Variants in FAM120A observed in about 807,000 individuals in gnomAD.
The protein encoded by FAM120A is family with sequence similarity 120 member A.
In FAM120A, 15 loss-of-function variants were observed where a neutral mutation model predicts 109.7. The ratio of observed to expected loss-of-function variants is 0.14; its 90% confidence interval spans 0.09 to 0.21. The LOEUF is 0.21. Ranked by LOEUF, FAM120A falls within the 10% of genes least tolerant of loss-of-function variation. The pLI is 1.00. For missense variants in FAM120A, 899 were observed against 1,439.3 expected, an observed-to-expected ratio of 0.62 and a Z score of 6.07; for synonymous variants, 493 against 572.8, an observed-to-expected ratio of 0.86 and a Z score of 1.99.
intron 17 of FAM120A, among the ~76,000 whole-genome samples, chr9:93,562,980 T>C (rs1862524633): frequency 6.6e-6 from 1 of 152,198 alleles, no homozygotes; most frequent in South Asian, 2.1e-4. Context: ...GCTATATTTT[T>C]ATGTTTTATA....
intron 5 of FAM120A, among the ~76,000 whole-genome samples, chr9:93,513,887 C>G (rs1196769400): frequency 6.6e-6 from 1 of 152,152 alleles, no homozygotes; most frequent in African/African-American, 2.4e-5. Flanking sequence ...TTTCAGAGAA[C>G]GAGAGTGAAG....
At chr9:93,527,915 G>A (rs1861158795) in intron 8 of FAM120A, among the ~76,000 whole-genome samples, 1 of 152,106 alleles carries the variant, frequency 6.6e-6, no homozygotes. Context: ...GAGCCACCAC[G>A]CCCTGTCTCC....
intron 11 of FAM120A, among the ~76,000 whole-genome samples, chr9:93,548,083 A>C (rs1861955418): frequency 6.6e-6 from 1 of 152,046 alleles, no homozygotes; most frequent in Non-Finnish European, 1.5e-5. Flanking sequence ...GTGTATCTGC[A>C]ATACAGTCTT....
At chr9:93,491,225 C>T (rs1859298564) in intron 3 of FAM120A, among the ~76,000 whole-genome samples, 1 of 152,192 alleles carries the variant, frequency 6.6e-6, no homozygotes, top group Non-Finnish European at 1.5e-5. Flanking sequence ...AGATTGCAGC[C>T]TCTTGGAGGT....
chr9:93,497,715 TGA>T, intron 4 of FAM120A, 116 bp downstream of exon 4: 1 of 1,265,338 alleles, frequency 7.9e-7, no homozygotes, highest in East Asian at 2.7e-5. Context: ...TGGATGGGTC[TGA>T]GAGCTCTTGC....
At chr9:93,461,949 T>G (rs1247901451) in intron 1 of FAM120A, among the ~76,000 whole-genome samples, 1 of 152,240 alleles carries the variant, frequency 6.6e-6, no homozygotes, top group Non-Finnish European at 1.5e-5. Context: ...CTAACCTGTA[T>G]TATTGAATAA....
At chr9:93,518,677 G>C (rs1176686250) in intron 7 of FAM120A, among the ~76,000 whole-genome samples, 1 of 152,218 alleles carries the variant, frequency 6.6e-6, no homozygotes, top group African/African-American at 2.4e-5. Context: ...CATGCCGAGA[G>C]TGAGGAGCGG....
intron 16 of FAM120A, 130 bp downstream of exon 16, chr9:93,561,380 TTTAA>T: frequency 1.2e-6 from 1 of 836,218 alleles, no homozygotes; most frequent in Non-Finnish European, 1.8e-6. Flanking sequence ...ATCATTTGTA[TTTAA>T]TTATTTAGTT....
At chr9:93,553,746 T>C (rs952820749) in intron 12 of FAM120A, among the ~76,000 whole-genome samples, 27 of 152,208 alleles carry the variant, frequency 1.8e-4, no homozygotes, top group African/African-American at 6.5e-4. Context: ...CCTTGAACCC[T>C]CTGTGACCCG....
intron 10 of FAM120A, among the ~76,000 whole-genome samples, chr9:93,542,827 A>G (rs1165090931): frequency 6.6e-6 from 1 of 152,240 alleles, no homozygotes; most frequent in East Asian, 1.9e-4. Flanking sequence ...TCCAAATTGG[A>G]TTTTGCATGT....
At chr9:93,541,037 T>G (rs530835351) in intron 10 of FAM120A, among the ~76,000 whole-genome samples, 40 of 149,014 alleles carry the variant, frequency 2.7e-4, no homozygotes, top group African/African-American at 9.0e-4. Context: ...GCTCTGTGTG[T>G]GGGGTATGTT....
intron 12 of FAM120A, among the ~76,000 whole-genome samples, chr9:93,552,739 A>T (rs977249493): frequency 2.2e-4 from 33 of 152,334 alleles, no homozygotes; most frequent in African/African-American, 7.7e-4. Flanking sequence ...AACCATTAAA[A>T]TTTTTTGCAA....
At position 93,487,232 on chromosome 9, in the gene FAM120A, G is replaced by A. The variant is rs1231558170; in HGVS notation, c.805-10239G>A. On this transcript the variant is annotated intron_variant, in intron 3 of 17. Transcript: ENST00000277165. The stretch of plus-strand genomic sequence containing the variant: ...GCTGGAGTGCAGTGGCGTGATCTTA[G>A]CTCACTGCAACCTCCGCTTTCTAGG... Among the ~76,000 whole-genome samples the A allele has an allele frequency of 3.3e-5, 5 of 152,114 alleles. No individual in the cohort carries two copies. In the East Asian group the frequency reaches 9.7e-4, roughly 29 times the overall value.
intron 12 of FAM120A, among the ~76,000 whole-genome samples, chr9:93,555,157 C>T (rs577335217): frequency 2.0e-5 from 3 of 152,138 alleles, no homozygotes; most frequent in South Asian, 2.1e-4. Flanking sequence ...ATTCTATCAC[C>T]CCAGCCCTAC....
chr9:93,538,520 C>A (rs1184588049), intron 10 of FAM120A, among the ~76,000 whole-genome samples: 1 of 152,218 alleles, frequency 6.6e-6, no homozygotes, highest in Non-Finnish European at 1.5e-5. Flanking sequence ...TCCCTAAATA[C>A]ACACAACCAG....
intron 11 of FAM120A, among the ~76,000 whole-genome samples, chr9:93,548,991 C>T (rs979393748): frequency 3.3e-5 from 5 of 151,884 alleles, no homozygotes; most frequent in Non-Finnish European, 5.9e-5. Flanking sequence ...TGCAGTGAGC[C>T]GAGATCATGC....
At chr9:93,544,379 G>A (rs911448671) in intron 11 of FAM120A, among the ~76,000 whole-genome samples, 10 of 152,308 alleles carry the variant, frequency 6.6e-5, no homozygotes, top group East Asian at 5.8e-4. Context: ...CTGGGTGCTG[G>A]TGTGGTCCTG....
Position 93,527,223 on chromosome 9 carries a change from A to C in FAM120A, c.1487A>C (p.Asp496Ala). The C allele has an allele frequency of 6.2e-7, 1 of 1,614,060 alleles. No homozygotes were observed. Among genetic ancestry groups the C allele is most frequent in the Non-Finnish European group, 8.5e-7 (1 of 1,179,958 alleles). Residue 496 changes from aspartate to alanine, a missense_variant, in exon 8 of 18, where the codon GAC (aspartate) becomes GCC (alanine). Transcript: ENST00000277165. ...CACTCAGAGCCTCAGGCACGAGGAG[A>C]CCCAGGAGACCAAACAAAGGTAGAA... Reference protein sequence around the residue: ...GSHSEPQARGDPGDQTKAEGS... With the variant: ...GSHSEPQARGAPGDQTKAEGS...
intron 3 of FAM120A, among the ~76,000 whole-genome samples, chr9:93,487,409 A>G (rs529245807): frequency 2.0e-5 from 3 of 152,044 alleles, no homozygotes; most frequent in African/African-American, 7.2e-5. Flanking sequence ...TGATCCACCT[A>G]CCTAGGCCTC....
Sources: allele counts gnomAD v4.1 joint callset (sites outside exome capture counted in the v4.1 genomes callset), GRCh38; gene constraint gnomAD v4.1.1; transcripts MANE v1.5; gene names NCBI Gene and HGNC (gene_info 2026-07-23, HGNC 2026-07-21).